PKHD1: variants seen among roughly 807,000 people sequenced by gnomAD.
PKHD1 encodes the protein fibrocystin.
In PKHD1, 291 loss-of-function variants were observed where a neutral mutation model predicts 412.0. The observed-to-expected ratio is 0.71, with a 90% CI of 0.64 to 0.78. PKHD1 has a LOEUF of 0.78. Among genes scored for constraint, PKHD1 ranks in the 30% least tolerant of loss-of-function variants. PKHD1 has a pLI of 0.00. For synonymous variants in PKHD1, 1,777 were observed against 1,821.5 expected (o/e 0.98, Z 0.62); for missense variants, 4,825 against 4,950.7 (o/e 0.97, Z 0.76).
chr6:51,742,776 T>C (rs1036139517), intron 60 of PKHD1, among the ~76,000 whole-genome samples: 2 of 152,126 alleles, frequency 1.3e-5, no homozygotes, highest in African/African-American at 4.8e-5. Flanking sequence ...ATTACATTTA[T>C]AATATAATGT....
chr6:52,025,273 C>T lies in PKHD1; in HGVS notation c.4537G>A (p.Ala1513Thr), dbSNP rs1801975188. The T allele has an allele frequency of 6.2e-7, 1 of 1,613,936 alleles. No individual in the cohort carries two copies. The highest frequency in any genetic ancestry group is 8.5e-7 in the Non-Finnish European group (1 of 1,180,026). Residue 1513 changes from alanine to threonine, a missense_variant, in exon 32 of 67, where the codon GCT becomes ACT. Transcript: ENST00000371117. ...TCCACAAATACCATCGGCTCATCAGCTGTGGTGGCTAACCTCTGACCCCTA... is the reference window on the plus strand; with the variant it reads ...TCCACAAATACCATCGGCTCATCAGTTGTGGTGGCTAACCTCTGACCCCTA... ...LIRGQRLATT[A>T]DEPMVFVDDQ... is the part of the protein sequence containing the mutation.
chr6:51,688,539 T>C (rs1017384642), intron 60 of PKHD1, among the ~76,000 whole-genome samples: 1 of 149,814 alleles, frequency 6.7e-6, no homozygotes, highest in African/African-American at 2.5e-5. Flanking sequence ...AATCAACACA[T>C]CCAGGAGCTA....
At position 51,868,013 on chromosome 6, in the gene PKHD1, T is replaced by A. The variant is rs759637183; in HGVS notation, c.7583A>T (p.Asp2528Val). Residue 2528 changes from aspartate to valine, a missense_variant, in exon 48 of 67, where the codon GAT (aspartate) becomes GTT (valine). By Grantham distance (152) the Asp-to-Val change is radical. Transcript: ENST00000371117. ...TCTGTTTTTCCCAGACAGAGACCCATCCAAGTCTTCCAAAATTGCTGCATG... is the reference window on the plus strand; with the variant it reads ...TCTGTTTTTCCCAGACAGAGACCCAACCAAGTCTTCCAAAATTGCTGCATG... ...FPHAAILEDL[D>V]GSLSGKNRSH... is the part of the protein sequence containing the mutation. 2 of 1,612,914 alleles carry A rather than the reference T, an allele frequency of 1.2e-6. No homozygotes were observed. The highest frequency in any genetic ancestry group is 4.5e-5 in the East Asian group (2 of 44,870).
chr6:51,909,394 A>T lies in PKHD1; in HGVS notation c.6571T>A (p.Ser2191Thr), dbSNP rs900801089. 9.9e-6 allele frequency: 16 copies of T among 1,613,316 alleles called. No homozygotes were observed. Among genetic ancestry groups the T allele is most frequent in the Admixed American group, 1.7e-5 (1 of 59,938 alleles). ...ACCTGGCTGGGCTCTTCTGGGAAGG[A>T]CTGAACGATCACTCTGGCTCCCATA... is the stretch of plus-strand genomic sequence containing the variant. ...RDMGARVIVQ[S>T]FPEEPSQVQL... The change falls in exon 40 of 67, where the codon TCC (serine) becomes ACC (threonine). Residue 2191 changes from serine to threonine, a missense_variant. Coordinates refer to ENST00000371117, the MANE Select transcript of PKHD1 (RefSeq NM_138694.4).
chr6:51,638,960 C>CA lies in PKHD1; in HGVS notation c.11399-5dup, dbSNP rs2150329687. 2.5e-6 allele frequency: 4 copies of CA among 1,590,982 alleles called. No individual in the cohort carries two copies. Among genetic ancestry groups the CA allele is most frequent in the Admixed American group, 1.7e-5 (1 of 59,960 alleles). On this transcript the variant is annotated splice_region_variant and splice_polypyrimidine_tract_variant and intron_variant, in intron 63 of 66. Coordinates refer to ENST00000371117, the MANE Select transcript of PKHD1 (RefSeq NM_138694.4). ...TGAGTTTCTGCCTGGGTGCACCCTA[C>CA]AAAAAAGTACAAAACAAAAATTAGC...
At chr6:51,929,050 G>T (rs1409242922) in intron 37 of PKHD1, among the ~76,000 whole-genome samples, 1 of 152,152 alleles carries the variant, frequency 6.6e-6, no homozygotes, top group Non-Finnish European at 1.5e-5. Flanking sequence ...GAAAAGGGAG[G>T]AGTCTTGGTC....
At chr6:51,799,801 C>A (rs1038763050) in intron 52 of PKHD1, among the ~76,000 whole-genome samples, 2 of 152,272 alleles carry the variant, frequency 1.3e-5, no homozygotes, top group East Asian at 1.9e-4. Flanking sequence ...AATTAACATC[C>A]TTTCCATAAA....
At position 52,073,443 on chromosome 6, in the gene PKHD1, A is replaced by G. The variant is rs1485219530; in HGVS notation, c.527+20T>C. On this transcript the variant is annotated intron_variant, in intron 7 of 66. Coordinates refer to ENST00000371117, the MANE Select transcript of PKHD1 (RefSeq NM_138694.4). ...AGCATGTATGTAACTAGTTAAACACAAAAACAAACACACACTTACCTATCA... is the reference window on the plus strand; with the variant it reads ...AGCATGTATGTAACTAGTTAAACACGAAAACAAACACACACTTACCTATCA... The G allele has an allele frequency of 6.6e-7, 1 of 1,523,990 alleles. No individual in the cohort carries two copies. Among genetic ancestry groups the G allele is most frequent in the Non-Finnish European group, 9.1e-7 (1 of 1,098,218 alleles). 94.4% of individuals were successfully genotyped at this position (1,523,990 alleles called of 1,614,324 possible). A position where few individuals can be genotyped will look rare whatever the true frequency, so the allele number is the denominator to read the frequency against.
intron 60 of PKHD1, among the ~76,000 whole-genome samples, chr6:51,744,162 G>A (rs923024060): frequency 1.3e-5 from 2 of 152,132 alleles, no homozygotes; most frequent in Non-Finnish European, 2.9e-5. Flanking sequence ...CTTTTGACAT[G>A]GACACAGGCA....
chr6:52,026,779 T>G (rs1474898863), intron 31 of PKHD1, among the ~76,000 whole-genome samples: 2 of 152,210 alleles, frequency 1.3e-5, no homozygotes, highest in African/African-American at 4.8e-5. Flanking sequence ...GCTGCTACCT[T>G]CATAGAATCT....
intron 52 of PKHD1, among the ~76,000 whole-genome samples, chr6:51,821,455 C>T (rs10214608): frequency 0.38 from 58,325 of 151,936 alleles, 11,905 homozygotes; most frequent in Middle Eastern, 0.5. Flanking sequence ...ATTTATGTCT[C>T]CAAATAAATA....
In PKHD1 at chr6:51,993,206, G is replaced by T. The variant is rs190965344; in HGVS notation, c.5751+17103C>A. The stretch of plus-strand genomic sequence containing the variant: ...TGGCAGGGAGGTGAGTGGGGAGAAT[G>T]TTGGAAATTGTAATCTGAAGGCAAA... On this transcript the variant is annotated intron_variant, in intron 35 of 66. Coordinates refer to ENST00000371117, the MANE Select transcript of PKHD1 (RefSeq NM_138694.4). Among the ~76,000 whole-genome samples the T allele has an allele frequency of 1.5e-4, 23 of 152,380 alleles. No individual in the cohort carries two copies. In the East Asian group the frequency reaches 4.0e-3, roughly 27 times the overall value.
intron 11 of PKHD1, among the ~76,000 whole-genome samples, chr6:52,066,957 T>TC (rs561467846): frequency 5.1e-4 from 77 of 152,214 alleles, no homozygotes; most frequent in African/African-American, 1.7e-3. Context: ...ATATGACACA[T>TC]AGTCCTCAGA....
chr6:51,783,926 T>C (rs143298098), intron 53 of PKHD1, among the ~76,000 whole-genome samples: 95 of 152,284 alleles, frequency 6.2e-4, no homozygotes, highest in African/African-American at 2.2e-3. Flanking sequence ...CTCACAGATG[T>C]AGACATTTAA....
At chr6:51,939,101 G>T (rs529186397) in intron 36 of PKHD1, among the ~76,000 whole-genome samples, 1 of 151,546 alleles carries the variant, frequency 6.6e-6, no homozygotes, top group African/African-American at 2.4e-5. Flanking sequence ...ACCACGTGGG[G>T]ATGCCTGCCT....
intron 60 of PKHD1, chr6:51,740,052 G>T (rs755407539): frequency 5.8e-6 from 3 of 518,314 alleles, no homozygotes; most frequent in South Asian, 4.2e-5. Context: ...ATCATCAGAT[G>T]CCTCCATAAT....
At chr6:51,938,579 C>T (rs1787901124) in intron 36 of PKHD1, among the ~76,000 whole-genome samples, 1 of 150,558 alleles carries the variant, frequency 6.6e-6, no homozygotes, top group Non-Finnish European at 1.5e-5. Flanking sequence ...TACTATCTCC[C>T]TTCACTGACT....
At chr6:51,975,267 C>T (rs1583649782) in intron 35 of PKHD1, among the ~76,000 whole-genome samples, 1 of 151,886 alleles carries the variant, frequency 6.6e-6, no homozygotes. Flanking sequence ...ACACCAAAAG[C>T]AGTACAAAAA....
intron 36 of PKHD1, among the ~76,000 whole-genome samples, chr6:51,939,343 G>A (rs375795898): frequency 5.2e-4 from 78 of 150,814 alleles, no homozygotes; most frequent in East Asian, 9.8e-4. Flanking sequence ...GCAAGAACCC[G>A]CTGACCCCTT....
Sources: allele counts gnomAD v4.1 joint callset (sites outside exome capture counted in the v4.1 genomes callset), GRCh38; gene constraint gnomAD v4.1.1; transcripts MANE v1.5; gene names NCBI Gene and HGNC (gene_info 2026-07-23, HGNC 2026-07-21).